The following RICTOR variants were observed in gnomAD, a reference collection of about 807,000 sequenced individuals.
The protein encoded by RICTOR is rapamycin-insensitive companion of mTOR.
RICTOR carries 49 observed loss-of-function variants against 214.9 expected under a neutral mutation model. The observed-to-expected ratio is 0.23, with a 90% CI of 0.18 to 0.29. RICTOR has a LOEUF of 0.29. Among genes scored for constraint, RICTOR ranks in the 10% least tolerant of loss-of-function variants. The pLI is 1.00. For synonymous variants in RICTOR, 717 were observed against 711.3 expected, an observed-to-expected ratio of 1.01 and a Z score of -0.13; for missense variants, 1,625 against 2,047.0, an observed-to-expected ratio of 0.79 and a Z score of 3.98.
intron 7 of RICTOR, among the ~76,000 whole-genome samples, chr5:38,990,740 T>TATATCAG (rs1752657431): frequency 1.0e-5 from 1 of 99,962 alleles, no homozygotes; most frequent in African/African-American, 3.5e-5. Context: ...ATATATGATA[T>TATATCAG]ATATGAGATA....
At chr5:38,967,487 G>T in intron 12 of RICTOR, 60 bp from the exon 13 acceptor site, 2 of 1,252,404 alleles carry the variant, frequency 1.6e-6, no homozygotes, top group Non-Finnish European at 2.3e-6. Flanking sequence ...TTTCAGATAA[G>T]TATAAAACCA....
In RICTOR at chr5:38,966,938, C is replaced by T. The variant is rs540814695; in HGVS notation, c.1219-217G>A. On this transcript the variant is annotated intron_variant, in intron 14 of 37. Transcript: ENST00000357387. ...GTGTCAGCCTCCTGAGTAGCTGGGA[C>T]TACAGGGGTATGCCATCATGCATGG... 14 of 601,246 alleles carry T rather than the reference C, an allele frequency of 2.3e-5. No homozygotes were observed. The East Asian group carries it at 3.4e-4, about 14-fold the overall frequency. The allele number at this position is 601,246 out of a possible 1,614,324, so 37.2% of individuals were successfully genotyped here.
intron 5 of RICTOR, 28 bp from the exon 6 acceptor site, chr5:38,996,910 T>C (rs1224123870): frequency 1.3e-6 from 2 of 1,540,768 alleles, no homozygotes; most frequent in Admixed American, 1.7e-5. Context: ...TATTAATCAT[T>C]GATAAAATTC....
chr5:38,981,780 C>A, intron 8 of RICTOR, 87 bp downstream of exon 8: 1 of 851,216 alleles, frequency 1.2e-6, no homozygotes, highest in Non-Finnish European at 1.8e-6. Flanking sequence ...TAATGTGGTG[C>A]TGCATCTATA....
intron 2 of RICTOR, among the ~76,000 whole-genome samples, chr5:39,048,727 G>A (rs1757654712): frequency 6.6e-6 from 1 of 152,128 alleles, no homozygotes; most frequent in African/African-American, 2.4e-5. Context: ...TGAATCTAAG[G>A]ATGGTATCTG....
chr5:39,030,196 C>T (rs1756165983), intron 2 of RICTOR, among the ~76,000 whole-genome samples: 1 of 152,058 alleles, frequency 6.6e-6, no homozygotes, highest in South Asian at 2.1e-4. Flanking sequence ...GCTTATATAA[C>T]ATATGACGTA....
At chr5:39,045,666 GAATT>G (rs1288782942) in intron 2 of RICTOR, among the ~76,000 whole-genome samples, 2 of 152,114 alleles carry the variant, frequency 1.3e-5, no homozygotes, top group African/African-American at 4.8e-5. Flanking sequence ...CAGTCTATTA[GAATT>G]ATTTAGAAGT....
intron 2 of RICTOR, among the ~76,000 whole-genome samples, chr5:39,034,467 TGCA>T (rs1299975606): frequency 2.6e-5 from 4 of 152,162 alleles, no homozygotes; most frequent in Admixed American, 2.6e-4. Context: ...GGACAGCGGA[TGCA>T]GGACAGTGGG....
Position 38,960,354 on chromosome 5 carries a change from T to C in RICTOR, c.1851+44A>G, listed in dbSNP as rs139074098. ...ACAGAGGGAGGGTAAGGGAAGCAAA[T>C]TCAATAAAAAACATTTGCTCTGGAA... is the stretch of plus-strand genomic sequence containing the variant. On this transcript the variant is annotated intron_variant, in intron 20 of 37. Transcript: ENST00000357387. 1.5e-4 allele frequency: 239 copies of C among 1,591,710 alleles called. No homozygotes were observed. In the African/African-American group the frequency reaches 2.7e-3, roughly 18 times the overall value.
rs77027325 is a variant in RICTOR at position 38,961,333 on chromosome 5, G to A, written c.1716-800C>T. Among the ~76,000 whole-genome samples the A allele has an allele frequency of 2.4e-3, 363 of 152,142 alleles. 1 individual carries two copies. The highest frequency in any genetic ancestry group is 0.01 in the Middle Eastern group (3 of 294). ...TATTCATGAAGAACTTTGTCCCATG[G>A]CTCAATAATGTTCTATTGTTAAGAT... On this transcript the variant is annotated intron_variant, in intron 19 of 37. Transcript: ENST00000357387.
intron 19 of RICTOR, 77 bp from the exon 20 acceptor site, chr5:38,960,610 T>C: frequency 7.1e-7 from 1 of 1,408,862 alleles, no homozygotes; most frequent in Non-Finnish European, 9.9e-7. Flanking sequence ...ACTTATGACA[T>C]AATAAGGCTT....
Position 38,959,792 on chromosome 5 carries a change from T to G in RICTOR, c.2038A>C (p.Ser680Arg). 6.2e-7 allele frequency: 1 copy of G among 1,611,938 alleles called. No homozygotes were observed. Reference sequence around the variant, plus strand: ...GGGAATGCTCACCACTGAAATACACTGCATTTTTCCAGCATTTTAACTCCA... The same window carrying G: ...GGGAATGCTCACCACTGAAATACACGGCATTTTTCCAGCATTTTAACTCCA... ...PHGVKMLEKC[S>R]VFQCLLNLCS... The change falls in exon 21 of 38, where the codon AGT (serine) becomes CGT (arginine). Residue 680 changes from serine (S) to arginine (R), a missense_variant. This residue lies in a region of RICTOR where 1,214 missense variants were observed against 1,470.5 expected (regional missense o/e 0.83). Transcript: ENST00000357387.
intron 7 of RICTOR, among the ~76,000 whole-genome samples, chr5:38,986,810 G>A (rs1752205590): frequency 1.3e-5 from 2 of 152,202 alleles, no homozygotes; most frequent in African/African-American, 4.8e-5. Flanking sequence ...GGTTTTCAAA[G>A]GGAATGCTTC....
chr5:39,030,414 C>T (rs534737998), intron 2 of RICTOR, among the ~76,000 whole-genome samples: 6 of 152,154 alleles, frequency 3.9e-5, no homozygotes, highest in South Asian at 4.1e-4. Context: ...CAACATCTTA[C>T]GGTCACTTCA....
intron 37 of RICTOR, 55 bp from the exon 38 acceptor site, chr5:38,942,433 A>G: frequency 1.9e-5 from 18 of 963,096 alleles, no homozygotes; most frequent in Non-Finnish European, 2.6e-5. Flanking sequence ...ATGATATAAC[A>G]TATTTATATA....
At position 38,978,601 on chromosome 5, in the gene RICTOR, G is replaced by A. The variant is rs745378144; in HGVS notation, c.803C>T (p.Thr268Ile). 1.3e-6 allele frequency: 2 copies of A among 1,566,370 alleles called. No homozygotes were observed. Among genetic ancestry groups the A allele is most frequent in the Admixed American group, 3.4e-5 (2 of 58,630 alleles). Residue 268 changes from threonine (T) to isoleucine (I), a missense_variant, in exon 9 of 38, where the codon ACA (threonine) becomes ATA (isoleucine). This residue lies in a region of RICTOR where 258 missense variants were observed against 393.7 expected (regional missense o/e 0.66). Transcript: ENST00000357387. ...TACTTACTTGAGCTGTCCTTCAGCT[G>A]TATCTGGACTATGTCTGTAGTGAAA... ...TDFHYRHSPD[T>I]AEGQLKEDRE...
intron 2 of RICTOR, among the ~76,000 whole-genome samples, chr5:39,027,878 G>A (rs1373680569): frequency 1.3e-5 from 2 of 151,920 alleles, no homozygotes; most frequent in African/African-American, 2.4e-5. Context: ...TCCACAAAAT[G>A]GGTAAAAAAC....
intron 2 of RICTOR, among the ~76,000 whole-genome samples, chr5:39,067,100 T>C (rs1010339376): frequency 6.6e-6 from 1 of 152,208 alleles, no homozygotes; most frequent in Admixed American, 6.5e-5. Context: ...AATAGGCTGT[T>C]CTTGCACTGC....
chr5:39,051,952 C>A (rs1426725247), intron 2 of RICTOR, among the ~76,000 whole-genome samples: 3 of 152,198 alleles, frequency 2.0e-5, no homozygotes, highest in African/African-American at 7.2e-5. Flanking sequence ...GAGCAACATG[C>A]ATTCAATAGA....
Sources: gnomAD v4.1 joint callset for allele counts (sites outside exome capture counted in the v4.1 genomes callset) on GRCh38, gnomAD v4.1.1 for gene constraint, gnomAD v4.1.1 regional missense constraint, MANE v1.5 for transcripts, NCBI Gene and HGNC (gene_info 2026-07-23, HGNC 2026-07-21) for gene names.